AGBL4: variants seen among roughly 807,000 people sequenced by gnomAD.
AGBL4 encodes the protein cytosolic carboxypeptidase 6.
AGBL4 carries 58 observed loss-of-function variants against 66.4 expected under a neutral mutation model. That is an observed-to-expected ratio of 0.87 (90% CI 0.71 to 1.09). The LOEUF is 1.09. AGBL4 is among the 50% of genes least tolerant of loss of function. The pLI is 0.00. For synonymous variants in AGBL4, 234 were observed against 222.9 expected, an observed-to-expected ratio of 1.05 and a Z score of -0.44; for missense variants, 579 against 631.0, an observed-to-expected ratio of 0.92 and a Z score of 0.88.
At chr1:49,744,561 A>G (rs554018808) in intron 2 of AGBL4, among the ~76,000 whole-genome samples, 210 of 152,296 alleles carry the variant, frequency 1.4e-3, no homozygotes, top group South Asian at 3.1e-3. Flanking sequence ...CTTCCTTCAC[A>G]GTGAAATGAA....
At chr1:49,815,567 A>C in intron 2 of AGBL4, among the ~76,000 whole-genome samples, 1 of 151,958 alleles carries the variant, frequency 6.6e-6, no homozygotes, top group Admixed American at 6.6e-5. Flanking sequence ...TGGTAGCTCT[A>C]TTTTCATTAA....
rs1322401749 is a variant in AGBL4 at position 49,599,497 on chromosome 1, T to C, written c.282+97816A>G. 3.3e-5 allele frequency among the ~76,000 whole-genome samples: 5 copies of C among 152,054 alleles called. No homozygotes were observed. In the Middle Eastern group the frequency reaches 0.014, roughly 417 times the overall value. On this transcript the variant is annotated intron_variant, in intron 3 of 13. Transcript: ENST00000371839. ...CTTCTTCTATCATGTTTATTGATTCTTCTCTCTTTTCTTCTTTATTAGTAT... is the reference window on the plus strand; with the variant it reads ...CTTCTTCTATCATGTTTATTGATTCCTCTCTCTTTTCTTCTTTATTAGTAT...
intron 3 of AGBL4, among the ~76,000 whole-genome samples, chr1:49,317,992 A>T (rs571830269): frequency 6.6e-6 from 1 of 152,182 alleles, no homozygotes; most frequent in Admixed American, 6.5e-5. Flanking sequence ...TATTCTCTTG[A>T]ATTTCCATAG....
chr1:49,733,208 G>A (rs1054487976), intron 2 of AGBL4, among the ~76,000 whole-genome samples: 1 of 152,092 alleles, frequency 6.6e-6, no homozygotes, highest in Non-Finnish European at 1.5e-5. Context: ...AAAAAAGAAG[G>A]AAAAGTAGAG....
At chr1:48,627,900 C>T (rs1252256136) in intron 9 of AGBL4, among the ~76,000 whole-genome samples, 2 of 152,192 alleles carry the variant, frequency 1.3e-5, no homozygotes, top group African/African-American at 4.8e-5. Flanking sequence ...TTCCTAGCAA[C>T]AGCCTTTTCA....
chr1:49,954,093 C>T (rs1356515174), intron 1 of AGBL4, among the ~76,000 whole-genome samples: 2 of 151,802 alleles, frequency 1.3e-5, no homozygotes, highest in Non-Finnish European at 2.9e-5. Flanking sequence ...CAAGATCTCA[C>T]TATGTTACAT....
chr1:49,498,972 G>T lies in AGBL4; in HGVS notation c.282+198341C>A, dbSNP rs181608419. On this transcript the variant is annotated intron_variant, in intron 3 of 13. Coordinates refer to ENST00000371839, the MANE Select transcript of AGBL4 (RefSeq NM_032785.4). ...GAATTTAGGTTGCTAACATTTTGTT[G>T]AAAATTTTTACACCTATGTTCATCG... is the stretch of plus-strand genomic sequence containing the variant. Among the ~76,000 whole-genome samples, 263 of 152,040 alleles carry T rather than the reference G, an allele frequency of 1.7e-3. 1 individual carries two copies. The highest frequency in any genetic ancestry group is 5.9e-3 in the African/African-American group (245 of 41,518).
chr1:49,895,478 T>C (rs760514668), intron 1 of AGBL4, among the ~76,000 whole-genome samples: 1 of 152,026 alleles, frequency 6.6e-6, no homozygotes, highest in Non-Finnish European at 1.5e-5. Flanking sequence ...CAAAAATAAA[T>C]ATAACAACTT....
intron 3 of AGBL4, among the ~76,000 whole-genome samples, chr1:49,441,262 GA>G (rs1646023367): frequency 1.3e-5 from 2 of 152,172 alleles, no homozygotes; most frequent in African/African-American, 4.8e-5. Flanking sequence ...CATGGGAATG[GA>G]TATTAAGGGT....
chr1:48,882,760 G>A (rs2148845014), intron 5 of AGBL4, among the ~76,000 whole-genome samples: 2 of 152,230 alleles, frequency 1.3e-5, no homozygotes, highest in South Asian at 4.2e-4. Flanking sequence ...TGACCAACAT[G>A]TTCCTGTCCC....
intron 2 of AGBL4, among the ~76,000 whole-genome samples, chr1:49,789,005 A>C (rs1430284966): frequency 6.6e-6 from 1 of 152,190 alleles, no homozygotes; most frequent in East Asian, 1.9e-4. Flanking sequence ...TATTATTTTG[A>C]GATACATTCC....
At chr1:48,832,110 G>T (rs1463016376) in intron 6 of AGBL4, among the ~76,000 whole-genome samples, 1 of 152,162 alleles carries the variant, frequency 6.6e-6, no homozygotes, top group Non-Finnish European at 1.5e-5. Context: ...AGTAGAAGGG[G>T]TGCAGTAGGA....
intron 3 of AGBL4, among the ~76,000 whole-genome samples, chr1:49,501,885 T>C (rs1043247193): frequency 2.6e-5 from 4 of 152,274 alleles, no homozygotes; most frequent in Non-Finnish European, 5.9e-5. Flanking sequence ...TTAAGCAGCA[T>C]ATTGTTTATT....
chr1:49,520,213 A>G (rs187374662), intron 3 of AGBL4, among the ~76,000 whole-genome samples: 3 of 152,112 alleles, frequency 2.0e-5, no homozygotes, highest in African/African-American at 7.2e-5. Context: ...TCCTCTGGTT[A>G]TGCTTGTTTT....
At chr1:49,191,872 T>A (rs1647127002) in intron 4 of AGBL4, among the ~76,000 whole-genome samples, 1 of 152,220 alleles carries the variant, frequency 6.6e-6, no homozygotes. Flanking sequence ...TTGATGGACA[T>A]CTAGGTTGAT....
At chr1:48,959,780 C>T (rs1421139168) in intron 5 of AGBL4, among the ~76,000 whole-genome samples, 1 of 152,116 alleles carries the variant, frequency 6.6e-6, no homozygotes, top group East Asian at 1.9e-4. Context: ...GTGCATGGAG[C>T]AGCAAAGAGG....
intron 9 of AGBL4, among the ~76,000 whole-genome samples, chr1:48,601,113 G>A (rs1425991614): frequency 1.3e-5 from 2 of 152,090 alleles, no homozygotes; most frequent in Non-Finnish European, 2.9e-5. Context: ...TAATGACTAT[G>A]ATAATGATAA....
intron 3 of AGBL4, among the ~76,000 whole-genome samples, chr1:49,656,291 C>T (rs543181826): frequency 4.2e-4 from 64 of 152,246 alleles, no homozygotes; most frequent in Non-Finnish European, 7.3e-4. Context: ...ATACACCCTC[C>T]CAAGACTAAA....
At chr1:48,823,251 A>G (rs1227974097) in intron 6 of AGBL4, among the ~76,000 whole-genome samples, 1 of 152,184 alleles carries the variant, frequency 6.6e-6, no homozygotes, top group East Asian at 1.9e-4. Flanking sequence ...TCCCATCACC[A>G]TCTATCACCT....
Sources: allele counts gnomAD v4.1 joint callset (sites outside exome capture counted in the v4.1 genomes callset), GRCh38; gene constraint gnomAD v4.1.1; transcripts MANE v1.5; gene names NCBI Gene and HGNC (gene_info 2026-07-23, HGNC 2026-07-21).